Variants in IL23R observed in about 807,000 individuals in gnomAD.
The protein encoded by IL23R is interleukin-23 receptor.
Under a neutral mutation model 56.9 loss-of-function variants are expected in IL23R, and 34 were observed. That is an observed-to-expected ratio of 0.60 (90% CI 0.45 to 0.80). The LOEUF is 0.80. Ranked by LOEUF, IL23R falls within the 30% of genes least tolerant of loss-of-function variation. IL23R has a pLI of 0.00. For synonymous variants in IL23R, 230 were observed against 249.2 expected, an observed-to-expected ratio of 0.92 and a Z score of 0.73; for missense variants, 635 against 730.0, an observed-to-expected ratio of 0.87 and a Z score of 1.50.
chr1:67,207,646 A>G (rs1161905417), intron 6 of IL23R: 1 of 402,910 alleles, frequency 2.5e-6, no homozygotes, highest in Non-Finnish European at 4.9e-6. Context: ...CTAAGTAAGA[A>G]GAGCCTTTTG....
At chr1:67,248,077 T>C (rs953905013) in intron 9 of IL23R, among the ~76,000 whole-genome samples, 14 of 152,170 alleles carry the variant, frequency 9.2e-5, no homozygotes, top group Non-Finnish European at 1.2e-4. Flanking sequence ...TCGGTGTATC[T>C]GATGAGTTGT....
At chr1:67,184,740 A>G (rs1423819085) in intron 4 of IL23R, among the ~76,000 whole-genome samples, 1 of 152,112 alleles carries the variant, frequency 6.6e-6, no homozygotes, top group African/African-American at 2.4e-5. Flanking sequence ...CTGGGCCAAG[A>G]GCTTTATAAA....
At chr1:67,189,934 C>T (rs77157635) in intron 4 of IL23R, among the ~76,000 whole-genome samples, 1 of 149,804 alleles carries the variant, frequency 6.7e-6, no homozygotes, top group Non-Finnish European at 1.5e-5. Context: ...GACCCTGTCT[C>T]AAAAAAAAAG....
intron 1 of IL23R, among the ~76,000 whole-genome samples, chr1:67,151,612 T>C (rs1570757412): frequency 6.6e-6 from 1 of 152,222 alleles, no homozygotes; most frequent in African/African-American, 2.4e-5. Context: ...TAATCCATCT[T>C]GAGTTAATTT....
At position 67,218,998 on chromosome 1, in the gene IL23R, CATAA is replaced by C. The variant is rs534014405; in HGVS notation, c.799-568_799-565del. 5.4e-3 allele frequency among the ~76,000 whole-genome samples: 817 copies of C among 151,356 alleles called. 7 individuals carry two copies. The highest frequency in any genetic ancestry group is 0.018 in the African/African-American group (760 of 41,334). ...ATAAATAAATAAATATATATACACA[CATAA>C]ATAAATATATATACACATATATATA... On this transcript the variant is annotated intron_variant, in intron 6 of 10. Transcript: ENST00000347310.
chr1:67,171,777 T>C lies in IL23R; in HGVS notation c.367+2139T>C, dbSNP rs551556045. ...GTGGGGGCCTAGTGCAGGAGCTCAG[T>C]CCAAAACAATGGTCTCCTATACATT... On this transcript the variant is annotated intron_variant, in intron 3 of 10. Coordinates refer to ENST00000347310, the MANE Select transcript of IL23R (RefSeq NM_144701.3). 2.4e-3 allele frequency among the ~76,000 whole-genome samples: 363 copies of C among 152,286 alleles called. 1 individual carries two copies. The highest frequency in any genetic ancestry group is 8.3e-3 in the African/African-American group (345 of 41,564).
At position 67,228,703 on chromosome 1, in the gene IL23R, T is replaced by G. The variant is rs373646310; in HGVS notation, c.956-8010T>G. ...TCCTTCTGGAGGCTACAGGACAGAA[T>G]CAGTTTCATTGCTTTTTCTATATTC... On this transcript the variant is annotated intron_variant, in intron 7 of 10. Transcript: ENST00000347310. 2.6e-5 allele frequency among the ~76,000 whole-genome samples: 4 copies of G among 152,270 alleles called. No individual in the cohort carries two copies. In the East Asian group the frequency reaches 7.7e-4, roughly 29 times the overall value.
At chr1:67,256,632 T>C (rs1226201558) in intron 10 of IL23R, among the ~76,000 whole-genome samples, 1 of 151,996 alleles carries the variant, frequency 6.6e-6, no homozygotes, top group Non-Finnish European at 1.5e-5. Flanking sequence ...AGTGCAATGA[T>C]AGAAATGAGC....
chr1:67,161,578 G>A (rs960819554), upstream of IL23R, among the ~76,000 whole-genome samples: 43 of 151,192 alleles, frequency 2.8e-4, no homozygotes, highest in African/African-American at 1.0e-3. Context: ...TTCAAACTAC[G>A]TACTCCCTTG....
chr1:67,208,233 T>C (rs970153373), intron 6 of IL23R, among the ~76,000 whole-genome samples: 7 of 152,152 alleles, frequency 4.6e-5, no homozygotes, highest in African/African-American at 1.7e-4. Flanking sequence ...GTTCAGAAAA[T>C]TTGTGGCCTG....
At position 67,200,304 on chromosome 1, in the gene IL23R, A is replaced by C. The variant is rs11465795; in HGVS notation, c.492-433A>C. Among the ~76,000 whole-genome samples, 563 of 152,236 alleles carry C rather than the reference A, an allele frequency of 3.7e-3. 2 individuals carry two copies. Among genetic ancestry groups the C allele is most frequent in the African/African-American group, 0.013 (548 of 41,534 alleles). ...TGATCCGCCCGCCTCGGCCTCCCAA[A>C]GTGCTGGGATTACAAGCGTGAGCCA... On this transcript the variant is annotated intron_variant, in intron 4 of 10. Transcript: ENST00000347310.
chr1:67,159,871 G>A (rs369304989), intron 1 of IL23R, among the ~76,000 whole-genome samples: 18 of 152,270 alleles, frequency 1.2e-4, no homozygotes, highest in African/African-American at 3.9e-4. Context: ...TAATCTGTAC[G>A]ACGCATTAAT....
chr1:67,249,257 G>A (rs1208009638), intron 9 of IL23R, among the ~76,000 whole-genome samples: 1 of 152,018 alleles, frequency 6.6e-6, no homozygotes, highest in African/African-American at 2.4e-5. Context: ...AAAGTTTTAG[G>A]GATTCTTACC....
In IL23R at chr1:67,168,178, T is replaced by C; in HGVS notation, c.58T>C (p.Trp20Arg). ...AVIALYILFS[W>R]CHGGITNINC... ...AATAGCCCTTTACATACTCTTCAGC[T>C]GGTGTCATGGAGGTATGGTGTTTTA... is the stretch of plus-strand genomic sequence containing the variant. Residue 20 changes from tryptophan (W) to arginine (R), a missense_variant, in exon 2 of 11, where the codon TGG (tryptophan) becomes CGG (arginine). Trp to Arg is a moderately radical substitution (Grantham distance 101). Coordinates refer to ENST00000347310, the MANE Select transcript of IL23R (RefSeq NM_144701.3). The C allele has an allele frequency of 1.9e-6, 3 of 1,607,792 alleles. No homozygotes were observed. Among genetic ancestry groups the C allele is most frequent in the Non-Finnish European group, 2.6e-6 (3 of 1,174,326 alleles).
At position 67,236,777 on chromosome 1, in the gene IL23R, C is replaced by T. The variant is rs200021257; in HGVS notation, c.1020C>T (p.Ser340=). 46 of 1,612,364 alleles carry T rather than the reference C, an allele frequency of 2.9e-5. No individual in the cohort carries two copies. The Middle Eastern group carries it at 6.6e-4, about 23-fold the overall frequency. The change falls in exon 8 of 11, where the codon TCC becomes TCT. Residue 340 remains serine, a synonymous_variant. Transcript: ENST00000347310. ...GGAATTCTGGGCTAACAGTTGCTTC[C>T]ATCTCTACAGGGCACCTTACTTCTG... ...DTWNSGLTVA[S]ISTGHLTSDN... is the part of the protein sequence containing the mutation.
intron 3 of IL23R, among the ~76,000 whole-genome samples, chr1:67,175,399 C>G (rs1023986977): frequency 1.5e-4 from 23 of 152,104 alleles, no homozygotes; most frequent in Admixed American, 5.2e-4. Context: ...TTCAGTGGCA[C>G]TAAGTACACT....
chr1:67,257,092 A>G (rs774837061), intron 10 of IL23R, among the ~76,000 whole-genome samples: 9 of 152,104 alleles, frequency 5.9e-5, no homozygotes, highest in South Asian at 4.1e-4. Context: ...AATTGGAATG[A>G]CACTTCATGT....
chr1:67,250,656 A>G (rs563355865), intron 9 of IL23R, among the ~76,000 whole-genome samples: 118 of 152,336 alleles, frequency 7.7e-4, no homozygotes, highest in African/African-American at 2.8e-3. Context: ...AAGACATTAC[A>G]GTTTTTATTT....
intron 3 of IL23R, among the ~76,000 whole-genome samples, chr1:67,182,481 G>A (rs535712445): frequency 5.3e-5 from 8 of 152,250 alleles, no homozygotes; most frequent in South Asian, 2.1e-4. Context: ...TGAGACTGTC[G>A]GAAAAGTGCA....
Sources: gnomAD v4.1 joint callset for allele counts (sites outside exome capture counted in the v4.1 genomes callset) on GRCh38, gnomAD v4.1.1 for gene constraint, MANE v1.5 for transcripts, NCBI Gene and HGNC (gene_info 2026-07-23, HGNC 2026-07-21) for gene names.